The following ANK2 variants were observed in gnomAD, a reference collection of about 807,000 sequenced individuals.
ANK2 encodes ankyrin-2.
In ANK2, 83 loss-of-function variants were observed where a neutral mutation model predicts 360.5. The ratio of observed to expected loss-of-function variants is 0.23; its 90% CI spans 0.19 to 0.28. The LOEUF (loss-of-function observed/expected upper bound fraction) is 0.28, where lower values mean the gene tolerates loss of function less well. ANK2 is among the 10% of genes least tolerant of loss of function. The pLI, the probability that ANK2 is intolerant of heterozygous loss-of-function variation, is 1.00. For synonymous variants in ANK2, 1,740 were observed against 1,759.5 expected (o/e 0.99, Z 0.28); for missense variants, 4,201 against 4,795.7 (o/e 0.88, Z 3.66).
At chr4:112,756,254 A>ATC in the ANK2 span, among the ~76,000 whole-genome samples, 1 of 145,806 alleles carries the variant, frequency 6.9e-6, no homozygotes, top group Admixed American at 6.7e-5. Context: ...AAAAAAAGAC[A>ATC]GAGTCTCACT....
chr4:113,195,806 T>C (rs2098738434), intron 2 of ANK2, among the ~76,000 whole-genome samples: 1 of 152,238 alleles, frequency 6.6e-6, no homozygotes, highest in Non-Finnish European at 1.5e-5. Context: ...TTTAAAATCA[T>C]ATTAATTTTC....
chr4:112,896,727 A>T (rs180900165), intron 1 of ANK2, among the ~76,000 whole-genome samples: 1 of 152,276 alleles, frequency 6.6e-6, no homozygotes, highest in East Asian at 1.9e-4. Context: ...GCCAGGCTCA[A>T]ACTGCCTGTT....
In ANK2 at chr4:113,354,311, C is replaced by T; in HGVS notation, c.5693C>T (p.Thr1898Ile). The change falls in exon 38 of 46, where the codon ACA becomes ATA. Residue 1898 changes from threonine to isoleucine, a missense_variant. Thr to Ile is a moderately conservative substitution (Grantham distance 89). Transcript: ENST00000357077. ...CACTCTCCTGTGTCATCTACAAAAA[C>T]AGAAAGACACCCACCTGTTTCGCCT... ...ERHSPVSSTK[T>I]ERHPPVSPSG... The T allele has an allele frequency of 6.2e-7, 1 of 1,614,126 alleles. No homozygotes were observed. The highest frequency in any genetic ancestry group is 1.1e-5 in the South Asian group (1 of 91,084).
At chr4:112,844,303 T>C (rs985820965) in intron 1 of ANK2, among the ~76,000 whole-genome samples, 2 of 152,242 alleles carry the variant, frequency 1.3e-5, no homozygotes, top group African/African-American at 4.8e-5. Flanking sequence ...ATGCAATCTT[T>C]GCCAGATAAG....
intron 2 of ANK2, among the ~76,000 whole-genome samples, chr4:112,916,614 C>A (rs903401486): frequency 2.0e-5 from 3 of 152,060 alleles, no homozygotes; most frequent in Non-Finnish European, 4.4e-5. Flanking sequence ...AACTTTCTAC[C>A]AAGACCTCTT....
At chr4:112,788,453 G>T in the ANK2 span, 1 of 1,601,682 alleles carries the variant, frequency 6.2e-7, no homozygotes, top group South Asian at 1.1e-5. Flanking sequence ...CACCAAGGTG[G>T]TGACGGTGTT....
intron 4 of ANK2, among the ~76,000 whole-genome samples, chr4:113,220,289 G>C (rs1446317211): frequency 6.6e-6 from 1 of 152,160 alleles, no homozygotes; most frequent in East Asian, 1.9e-4. Flanking sequence ...TTGATAACCT[G>C]TCTGGGCCTA....
chr4:113,340,498 G>T (rs1588594069), intron 32 of ANK2, among the ~76,000 whole-genome samples: 2 of 152,066 alleles, frequency 1.3e-5, no homozygotes, highest in Non-Finnish European at 2.9e-5. Context: ...TTCAAGACTA[G>T]CTTGGGCAAC....
chr4:113,049,684 G>A lies in ANK2; in HGVS notation c.-45G>A. 6.3e-7 allele frequency: 1 copy of A among 1,598,454 alleles called. No individual in the cohort carries two copies. The highest frequency in any genetic ancestry group is 8.5e-7 in the Non-Finnish European group (1 of 1,170,872). On this transcript the variant is annotated 5_prime_UTR_variant, in exon 1 of 46. Coordinates refer to ENST00000357077, the MANE Select transcript of ANK2 (RefSeq NM_001148.6). ...ATACCCGCTAGTGGTCTGTACAGGC[G>A]GCACGGTTTGATGGCAGAGATATTT...
At chr4:112,911,378 C>G (rs1047504472) in intron 2 of ANK2, among the ~76,000 whole-genome samples, 2 of 151,752 alleles carry the variant, frequency 1.3e-5, no homozygotes, top group Non-Finnish European at 2.9e-5. Flanking sequence ...AAAAAATTAG[C>G]CGGGCGTGGT....
intron 1 of ANK2, among the ~76,000 whole-genome samples, chr4:113,113,080 T>G (rs28669847): frequency 2.0e-5 from 3 of 152,226 alleles, no homozygotes; most frequent in Admixed American, 6.5e-5. Context: ...CACTCATTAG[T>G]CCCAAAAAAC....
At chr4:113,138,736 G>A (rs1047692064) in intron 1 of ANK2, among the ~76,000 whole-genome samples, 11 of 152,134 alleles carry the variant, frequency 7.2e-5, no homozygotes, top group African/African-American at 2.7e-4. Flanking sequence ...AAATCTTTTG[G>A]TAATGACAAA....
intron 2 of ANK2, among the ~76,000 whole-genome samples, chr4:113,036,300 C>G (rs955841221): frequency 1.3e-5 from 2 of 149,298 alleles, no homozygotes; most frequent in African/African-American, 4.9e-5. Flanking sequence ...ATGCCACATC[C>G]AGGACTTGAA....
rs1011529961 is a variant in ANK2 at position 113,244,405 on chromosome 4, A to T, written c.891+2196A>T. ...ATAATAGGTTCTTAAAAAACAAAAA[A>T]ACAAAAAACAAACAAAACCCTTGAT... is the stretch of plus-strand genomic sequence containing the variant. On this transcript the variant is annotated intron_variant, in intron 9 of 45. Transcript: ENST00000357077. 1.1e-4 allele frequency among the ~76,000 whole-genome samples: 17 copies of T among 152,182 alleles called. 1 individual carries two copies. Among genetic ancestry groups the T allele is most frequent in the Admixed American group, 1.1e-3 (17 of 15,274 alleles).
chr4:113,221,840 G>C (rs2099155830), intron 4 of ANK2, among the ~76,000 whole-genome samples: 1 of 152,182 alleles, frequency 6.6e-6, no homozygotes, highest in Non-Finnish European at 1.5e-5. Flanking sequence ...TTATCCATGA[G>C]AAGCTGAAAG....
Position 113,354,585 on chromosome 4 carries a change from T to A in ANK2, c.5967T>A (p.Ser1989=), listed in dbSNP as rs2095626727. The change falls in exon 38 of 46, where the codon TCT becomes TCA. Residue 1989 remains serine (S), a synonymous_variant. Transcript: ENST00000357077. Reference sequence around the variant, plus strand: ...CAGAGAGGATTGAGGAAACCATGTCTGTTCGGGAGCTGATGAAGGCTTTCC... The same window carrying A: ...CAGAGAGGATTGAGGAAACCATGTCAGTTCGGGAGCTGATGAAGGCTTTCC... ...SKTERIEETM[S]VRELMKAFQS... 6.2e-7 allele frequency: 1 copy of A among 1,614,082 alleles called. No individual in the cohort carries two copies. Among genetic ancestry groups the A allele is most frequent in the Non-Finnish European group, 8.5e-7 (1 of 1,179,988 alleles).
At chr4:113,130,804 A>T (rs1489349945) in intron 1 of ANK2, among the ~76,000 whole-genome samples, 1 of 152,198 alleles carries the variant, frequency 6.6e-6, no homozygotes, top group Non-Finnish European at 1.5e-5. Context: ...CTAAACTTAA[A>T]CTTCAAATTT....
At position 113,355,872 on chromosome 4, in the gene ANK2, C is replaced by T. The variant is rs369910938; in HGVS notation, c.7254C>T (p.Ser2418=). 75 of 1,614,090 alleles carry T rather than the reference C, an allele frequency of 4.6e-5. No individual in the cohort carries two copies. The African/African-American group carries it at 8.3e-4, about 18-fold the overall frequency. The change falls in exon 38 of 46, where the codon AGC becomes AGT. Residue 2418 remains serine (S), a synonymous_variant. Transcript: ENST00000357077. The part of the protein sequence containing the change: ...GLELALPSRD[S]EVLSAVADDS... The stretch of plus-strand genomic sequence containing the variant: ...AACTTGCACTCCCTAGCCGAGATAG[C>T]GAAGTCCTCAGCGCTGTGGCTGATG...
intron 4 of ANK2, among the ~76,000 whole-genome samples, chr4:113,219,489 A>G (rs995105908): frequency 6.6e-6 from 1 of 152,036 alleles, no homozygotes; most frequent in African/African-American, 2.4e-5. Flanking sequence ...AACTTAAATA[A>G]AAGCATTATA....
Sources: allele counts gnomAD v4.1 joint callset (sites outside exome capture counted in the v4.1 genomes callset), GRCh38; gene constraint gnomAD v4.1.1; transcripts MANE v1.5; gene names NCBI Gene and HGNC (gene_info 2026-07-23, HGNC 2026-07-21).